Variants in TSC2 observed in about 807,000 individuals in gnomAD.
TSC2 encodes tuberin.
In TSC2, 29 loss-of-function variants were observed where a neutral mutation model predicts 202.2. The observed-to-expected ratio is 0.14, with a 90% confidence interval of 0.11 to 0.20. The LOEUF (loss-of-function observed/expected upper bound fraction) is 0.20. TSC2 is among the 10% of genes least tolerant of loss of function. The pLI is 1.00. For missense variants in TSC2, 2,429 were observed against 2,420.0 expected, an observed-to-expected ratio of 1.00 and a Z score of -0.08; for synonymous variants, 1,349 against 1,044.0, an observed-to-expected ratio of 1.29 and a Z score of -5.63.
intron 11 of TSC2, 38 bp from the exon 12 acceptor site, chr16:2,061,833 G>A: frequency 6.2e-7 from 1 of 1,613,938 alleles, no homozygotes; most frequent in Admixed American, 1.7e-5. Context: ...CATGTGGGGA[G>A]TGGAAGTCAG....
At chr16:2,072,129 G>A (rs1409194683) in intron 19 of TSC2, 112 bp from the exon 20 acceptor site, 1 of 1,584,438 alleles carries the variant, frequency 6.3e-7, no homozygotes, top group Non-Finnish European at 8.6e-7. Flanking sequence ...CTGAGAACAG[G>A]GCTCCATAGC....
Position 2,076,075 on chromosome 16 carries a change from C to G in TSC2, c.2647C>G (p.Gln883Glu), listed in dbSNP as rs45476100. Residue 883 changes from glutamine to glutamate, a missense_variant, in exon 24 of 42, where the codon CAG becomes GAG. Physicochemically the swap from Gln to Glu is conservative, Grantham distance 29 (BLOSUM62 2). Coordinates refer to ENST00000219476, the MANE Select transcript of TSC2 (RefSeq NM_000548.5). ...GCCCCCTTCTCATCTCAGGTTTAAT[C>G]AGTACATCGTGTGTCTGGCCCATCA... ...LPYTNPSKFN[Q>E]YIVCLAHHVI... 2 of 1,613,988 alleles carry G rather than the reference C, an allele frequency of 1.2e-6. No individual in the cohort carries two copies. Among genetic ancestry groups the G allele is most frequent in the Non-Finnish European group, 1.7e-6 (2 of 1,180,048 alleles).
chr16:2,070,642 G>A lies in TSC2; in HGVS notation c.1839+64G>A, dbSNP rs888232744. On this transcript the variant is annotated intron_variant, in intron 17 of 41. Transcript: ENST00000219476. Reference sequence around the variant, plus strand: ...CCAGCCAGGTATCCCCGTCTCGGCAGGTGTGGTTCCTGGAAGCTGCAGAGA... The same window carrying A: ...CCAGCCAGGTATCCCCGTCTCGGCAAGTGTGGTTCCTGGAAGCTGCAGAGA... 3.7e-6 allele frequency: 6 copies of A among 1,609,572 alleles called. No homozygotes were observed. In the African/African-American group the frequency reaches 4.0e-5, roughly 11 times the overall value.
chr16:2,073,157 C>T (rs191719135), intron 21 of TSC2, among the ~76,000 whole-genome samples, 174 bp downstream of exon 21: 25 of 152,344 alleles, frequency 1.6e-4, no homozygotes, highest in African/African-American at 6.0e-4. Flanking sequence ...ATCCGATTCC[C>T]TGGTGCTTCT....
At position 2,072,863 on chromosome 16, in the gene TSC2, G is replaced by A. The variant is rs762162898; in HGVS notation, c.2235G>A (p.Lys745=). 2 of 1,613,648 alleles carry A rather than the reference G, an allele frequency of 1.2e-6. No homozygotes were observed. Residue 745 remains lysine (K), a synonymous_variant, in exon 21 of 42, where the codon AAG becomes AAA. Transcript: ENST00000219476. The stretch of plus-strand genomic sequence containing the variant: ...TTGGTCATCAGCTTTCAGGCCCAAA[G>A]ACACTGGAGCGGCTCCGAGGCGCCC... The part of the protein sequence containing the change: ...SALCSMLSGP[K]TLERLRGAPE...
In TSC2 at chr16:2,085,246, G is replaced by T. The variant is rs769834772; in HGVS notation, c.4586G>T (p.Arg1529Leu). ...LLPNESQSFE[R>L]SVQLLDQIPS... ...GTGCCACAGTCACAGTCCTTTGAGC[G>T]GTCGGTGCAGCTCCTCGACCAGATC... The change falls in exon 36 of 42, where the codon CGG becomes CTG. Residue 1529 changes from arginine to leucine, a missense_variant. Arg to Leu is a moderately radical substitution (Grantham distance 102). Coordinates refer to ENST00000219476, the MANE Select transcript of TSC2 (RefSeq NM_000548.5). 1.2e-6 allele frequency: 2 copies of T among 1,612,742 alleles called. No homozygotes were observed. Among genetic ancestry groups the T allele is most frequent in the Non-Finnish European group, 8.5e-7 (1 of 1,179,944 alleles).
Position 2,089,479 on chromosome 16 carries a change from C to T in TSC2, c.*869C>T. On this transcript the variant is annotated 3_prime_UTR_variant, in exon 42 of 42. Transcript: ENST00000219476. Reference sequence around the variant, plus strand: ...GACTCGGGGAAATAAATTAGCATCTCAGAGGCTAGAAACCGTCCAATACTG... The same window carrying T: ...GACTCGGGGAAATAAATTAGCATCTTAGAGGCTAGAAACCGTCCAATACTG... The T allele has an allele frequency of 5.3e-6, 3 of 565,082 alleles. No individual in the cohort carries two copies. The highest frequency in any genetic ancestry group is 9.5e-6 in the Non-Finnish European group (3 of 317,406). The allele number at this position is 565,082 out of a possible 1,614,324, so 35.0% of individuals were successfully genotyped here.
chr16:2,060,305 AC>A (rs2086467670), intron 10 of TSC2, among the ~76,000 whole-genome samples: 1 of 151,106 alleles, frequency 6.6e-6, no homozygotes, highest in Non-Finnish European at 1.5e-5. Context: ...TCTTCCTGCT[AC>A]CCCCCTCCCC....
rs1270155533 is a variant in TSC2, at chr16:2,070,572, G to A, written c.1833G>A (p.Arg611=). ...SYTLPIASSI[R]LQAFDFLLLL... is the part of the protein sequence containing the mutation. The stretch of plus-strand genomic sequence containing the variant: ...CCCTGCCAATCGCGAGCAGCATCCG[G>A]CTGCAGGTATGGTGGCTGGGGTTGC... Residue 611 remains arginine (R), a synonymous_variant, in exon 17 of 42, where the codon CGG becomes CGA. Coordinates refer to ENST00000219476, the MANE Select transcript of TSC2 (RefSeq NM_000548.5). The A allele has an allele frequency of 1.9e-6, 3 of 1,613,006 alleles. No homozygotes were observed. Among genetic ancestry groups the A allele is most frequent in the Non-Finnish European group, 2.5e-6 (3 of 1,180,036 alleles).
At chr16:2,060,869 G>A (rs929913020) in intron 11 of TSC2, 56 bp downstream of exon 11, 17 of 1,601,516 alleles carry the variant, frequency 1.1e-5, no homozygotes, top group Middle Eastern at 1.9e-4. Context: ...GGCAGGCTCG[G>A]CCCACTCAGA....
chr16:2,081,817 C>G lies in TSC2; in HGVS notation c.3814+19C>G, dbSNP rs778036099. On this transcript the variant is annotated intron_variant, in intron 31 of 41. Coordinates refer to ENST00000219476, the MANE Select transcript of TSC2 (RefSeq NM_000548.5). ...AACACAGGTGAGTGGCATGGCGGGC[C>G]TTGGCACGGGCTCTGCTCCCACTGG... 2 of 1,610,856 alleles carry G rather than the reference C, an allele frequency of 1.2e-6. No individual in the cohort carries two copies. The highest frequency in any genetic ancestry group is 1.7e-6 in the Non-Finnish European group (2 of 1,179,732).
At chr16:2,074,059 C>T in intron 21 of TSC2, 141 bp from the exon 22 acceptor site, 2 of 1,085,296 alleles carry the variant, frequency 1.8e-6, no homozygotes, top group Non-Finnish European at 2.7e-6. Context: ...TAGCTCAGCA[C>T]TGCTGGCTCT....
In TSC2 at chr16:2,072,447, G is replaced by A; in HGVS notation, c.2220+84G>A. The A allele has an allele frequency of 2.5e-6, 4 of 1,575,830 alleles. No homozygotes were observed. The South Asian group carries it at 4.6e-5, about 18-fold the overall frequency. On this transcript the variant is annotated intron_variant, in intron 20 of 41. Coordinates refer to ENST00000219476, the MANE Select transcript of TSC2 (RefSeq NM_000548.5). ...CTGCGAGCCTCTGGGCAGAGCGAGTGAGACCCTTCGGGCTCGGGCTCCATT... is the reference window on the plus strand; with the variant it reads ...CTGCGAGCCTCTGGGCAGAGCGAGTAAGACCCTTCGGGCTCGGGCTCCATT...
At chr16:2,061,009 C>T (rs2086572250) in intron 11 of TSC2, 196 bp downstream of exon 11, 4 of 692,280 alleles carry the variant, frequency 5.8e-6, no homozygotes, top group Admixed American at 2.4e-5. Context: ...CGTGGTGCAT[C>T]GTTTAGGCCC....
chr16:2,057,034 G>A (rs1302316150), intron 8 of TSC2, 71 bp from the exon 9 acceptor site: 20 of 1,537,208 alleles, frequency 1.3e-5, no homozygotes, highest in Non-Finnish European at 1.7e-5. Context: ...GCCAGGCGGG[G>A]CCAGCAGCGG....
At chr16:2,083,167 C>T (rs767991585) in intron 32 of TSC2, 7 of 457,306 alleles carry the variant, frequency 1.5e-5, no homozygotes, top group Non-Finnish European at 2.6e-5. Flanking sequence ...TCCCCCTGTC[C>T]TGACGCTGGC....
chr16:2,084,416 C>A lies in TSC2; in HGVS notation c.4194C>A (p.Leu1398=). 6.2e-7 allele frequency: 1 copy of A among 1,611,472 alleles called. No individual in the cohort carries two copies. The part of the protein sequence containing the change: ...SPELQTLQDI[L]GDPGDKADVG... ...AGCTGCAGACTCTGCAGGACATCCT[C>A]GGGGACCCTGGGGACAAGGCCGACG... Residue 1398 remains leucine (L), a synonymous_variant, in exon 34 of 42, where the codon CTC becomes CTA. Coordinates refer to ENST00000219476, the MANE Select transcript of TSC2 (RefSeq NM_000548.5).
At chr16:2,058,498 C>T (rs1361324924) in intron 9 of TSC2, among the ~76,000 whole-genome samples, 9 of 152,264 alleles carry the variant, frequency 5.9e-5, no homozygotes, top group Admixed American at 5.9e-4. Flanking sequence ...CTCTTGCCTG[C>T]TTCCTGTCCC....
chr16:2,078,991 C>T (rs972958530), intron 26 of TSC2, 41 bp from the exon 27 acceptor site: 1 of 1,610,720 alleles, frequency 6.2e-7, no homozygotes, highest in African/African-American at 1.3e-5. Flanking sequence ...TCGGCCCGCC[C>T]TACCTGGCAC....
Sources: allele counts gnomAD v4.1 joint callset (sites outside exome capture counted in the v4.1 genomes callset), GRCh38; gene constraint gnomAD v4.1.1; transcripts MANE v1.5; gene names NCBI Gene and HGNC (gene_info 2026-07-23, HGNC 2026-07-21).